CUL1: variants seen among roughly 807,000 people sequenced by gnomAD.
The protein encoded by CUL1 is cullin 1.
Under a neutral mutation model 118.0 loss-of-function variants are expected in CUL1, and 24 were observed. The ratio of observed to expected loss-of-function variants is 0.20; its 90% CI spans 0.15 to 0.29. The LOEUF (loss-of-function observed/expected upper bound fraction) is 0.29. Among genes scored for constraint, CUL1 ranks in the 10% least tolerant of loss-of-function variants. The probability of loss-of-function intolerance (pLI) is 1.00; values close to 1 mark genes in which losing one functional copy is unlikely to be tolerated. For synonymous variants in CUL1, 332 were observed against 340.4 expected (o/e 0.98, Z 0.27); for missense variants, 361 against 933.8 (o/e 0.39, Z 7.99).
chr7:148,723,417 A>G (rs243522), intron 1 of CUL1, among the ~76,000 whole-genome samples: 68,143 of 151,974 alleles, frequency 0.45, 16,267 homozygotes, highest in African/African-American at 0.62. Flanking sequence ...AGGTTCACAC[A>G]TCCAAGGACA....
chr7:148,769,787 C>T (rs146530175), intron 9 of CUL1, among the ~76,000 whole-genome samples: 1 of 152,100 alleles, frequency 6.6e-6, no homozygotes, highest in East Asian at 1.9e-4. Context: ...CCCAGCTACT[C>T]AGAAGCCTGA....
chr7:148,762,046 G>A (rs183241095), intron 7 of CUL1, among the ~76,000 whole-genome samples: 50 of 152,224 alleles, frequency 3.3e-4, no homozygotes, highest in African/African-American at 1.2e-3. Flanking sequence ...CCTGTTGTGC[G>A]GCCCAGTTCC....
chr7:148,715,503 C>G (rs1269749679), intron 1 of CUL1, among the ~76,000 whole-genome samples: 2 of 152,134 alleles, frequency 1.3e-5, no homozygotes, highest in African/African-American at 4.8e-5. Context: ...TTTGGCTTGC[C>G]TTCTGTCCTC....
At chr7:148,783,440 G>A (rs1800715267) in intron 9 of CUL1, 1 of 985,348 alleles carries the variant, frequency 1.0e-6, no homozygotes, top group Admixed American at 6.1e-5. Flanking sequence ...AGAGTCCAGA[G>A]TTCCACTGTT....
intron 1 of CUL1, among the ~76,000 whole-genome samples, chr7:148,714,669 G>C (rs756260976): frequency 2.0e-5 from 3 of 152,062 alleles, no homozygotes; most frequent in Non-Finnish European, 2.9e-5. Context: ...TTGCCATCTC[G>C]TGGTGATCTG....
At chr7:148,758,342 A>G (rs922556856) in intron 4 of CUL1, among the ~76,000 whole-genome samples, 1 of 152,228 alleles carries the variant, frequency 6.6e-6, no homozygotes, top group African/African-American at 2.4e-5. Flanking sequence ...AGTACTTTGT[A>G]GCTTCACTTT....
At chr7:148,768,761 C>T (rs1800099578) in intron 9 of CUL1, among the ~76,000 whole-genome samples, 1 of 152,004 alleles carries the variant, frequency 6.6e-6, no homozygotes, top group East Asian at 1.9e-4. Context: ...CTTTATTGTG[C>T]TTAATGATTA....
At chr7:148,750,682 C>G (rs73158222) in intron 2 of CUL1, among the ~76,000 whole-genome samples, 8,623 of 152,180 alleles carry the variant, frequency 0.057, 315 homozygotes, top group Middle Eastern at 0.095. Context: ...ATTTTCATAG[C>G]TAGAGAGAAG....
intron 1 of CUL1, among the ~76,000 whole-genome samples, chr7:148,715,097 T>C (rs1798172412): frequency 6.6e-6 from 1 of 152,206 alleles, no homozygotes; most frequent in South Asian, 2.1e-4. Context: ...TTGTTGTAAT[T>C]ATGCTTGTAT....
chr7:148,700,925 A>G (rs185449913), intron 1 of CUL1, among the ~76,000 whole-genome samples: 1 of 152,256 alleles, frequency 6.6e-6, no homozygotes, highest in East Asian at 1.9e-4. Flanking sequence ...CAGAAGACAG[A>G]CACGCATGCC....
intron 1 of CUL1, among the ~76,000 whole-genome samples, chr7:148,723,879 A>G (rs1241523345): frequency 6.6e-6 from 1 of 152,086 alleles, no homozygotes; most frequent in Non-Finnish European, 1.5e-5. Context: ...TCAGGAAAAA[A>G]TATTTCATGG....
chr7:148,725,216 C>T (rs543746788), intron 1 of CUL1, among the ~76,000 whole-genome samples: 3,468 of 123,202 alleles, frequency 0.028, 158 homozygotes, highest in African/African-American at 0.15. Flanking sequence ...CACACACGCG[C>T]GCGCTCACAC....
At chr7:148,721,556 T>C (rs1335412518) in intron 1 of CUL1, among the ~76,000 whole-genome samples, 2 of 152,152 alleles carry the variant, frequency 1.3e-5, no homozygotes, top group African/African-American at 2.4e-5. Flanking sequence ...TTTCAACATA[T>C]GTACAATGAA....
chr7:148,733,648 C>T (rs1426336557), intron 2 of CUL1, among the ~76,000 whole-genome samples: 4 of 150,918 alleles, frequency 2.7e-5, no homozygotes, highest in East Asian at 3.9e-4. Context: ...TGCTTTGGAC[C>T]GGGGAAGAAG....
In CUL1 at chr7:148,756,270, G is replaced by A. The variant is rs6966021; in HGVS notation, c.316-713G>A. On this transcript the variant is annotated intron_variant, in intron 3 of 21. Coordinates refer to ENST00000325222, the MANE Select transcript of CUL1 (RefSeq NM_003592.3). ...AGTAAATTTAAAGAAGGAAGAAGAT[G>A]CATGTAAAAATTGAATAGTATTAGT... 1.2e-3 allele frequency among the ~76,000 whole-genome samples: 185 copies of A among 152,260 alleles called. 2 individuals carry two copies. Among genetic ancestry groups the A allele is most frequent in the African/African-American group, 4.3e-3 (180 of 41,558 alleles).
intron 7 of CUL1, among the ~76,000 whole-genome samples, chr7:148,764,633 TAAAAC>T (rs1799946226): frequency 6.6e-6 from 1 of 152,220 alleles, no homozygotes; most frequent in Non-Finnish European, 1.5e-5. Context: ...AGTTATAACT[TAAAAC>T]AGAAAAAGTG....
chr7:148,722,136 G>A (rs1798416309), intron 1 of CUL1, among the ~76,000 whole-genome samples: 1 of 152,158 alleles, frequency 6.6e-6, no homozygotes, highest in African/African-American at 2.4e-5. Flanking sequence ...AGAAATGCTT[G>A]GCCCTGTCCA....
intron 2 of CUL1, among the ~76,000 whole-genome samples, chr7:148,744,438 G>A (rs1799245134): frequency 6.7e-6 from 1 of 148,430 alleles, no homozygotes; most frequent in South Asian, 2.1e-4. Context: ...GTGTGTGTGT[G>A]AAAGAGAAGA....
intron 1 of CUL1, among the ~76,000 whole-genome samples, chr7:148,706,512 C>T (rs968853123): frequency 1.3e-5 from 2 of 152,090 alleles, no homozygotes; most frequent in African/African-American, 4.8e-5. Context: ...GCTACTTGGG[C>T]ATCTGTGTAG....
Sources: allele counts gnomAD v4.1 joint callset (sites outside exome capture counted in the v4.1 genomes callset), GRCh38; gene constraint gnomAD v4.1.1; transcripts MANE v1.5; gene names NCBI Gene and HGNC (gene_info 2026-07-23, HGNC 2026-07-21).